The following SDC2 variants were observed in gnomAD, a reference collection of about 807,000 sequenced individuals.
SDC2 encodes syndecan 2.
SDC2 carries 13 observed loss-of-function variants against 22.2 expected under a neutral mutation model. That is an observed-to-expected ratio of 0.59 (90% confidence interval 0.38 to 0.93). The LOEUF (loss-of-function observed/expected upper bound fraction) is 0.93, where lower values mean the gene tolerates loss of function less well. SDC2 is among the 40% of genes least tolerant of loss of function. The probability of loss-of-function intolerance (pLI) is 0.00; values close to 1 mark genes in which losing one functional copy is unlikely to be tolerated. For synonymous variants in SDC2, 94 were observed against 92.8 expected, an observed-to-expected ratio of 1.01 and a Z score of -0.07; for missense variants, 235 against 246.8, an observed-to-expected ratio of 0.95 and a Z score of 0.32.
At chr8:96,587,023 A>G (rs898705759) in intron 1 of SDC2, among the ~76,000 whole-genome samples, 16 of 152,096 alleles carry the variant, frequency 1.1e-4, no homozygotes, top group African/African-American at 3.6e-4. Context: ...CCTGGGTTCA[A>G]GCGATTCTCC....
In SDC2 at chr8:96,611,009, T is replaced by C. The variant is rs1383474155; in HGVS notation, c.*1461T>C. ...CTGAATGGGGCTTTCCTGATGTTGG[T>C]ATCTAAGGCTTAGGCCTATAGATTG... On this transcript the variant is annotated 3_prime_UTR_variant, in exon 5 of 5. Transcript: ENST00000302190. The C allele has an allele frequency of 6.5e-6, 1 of 152,694 alleles. No individual in the cohort carries two copies. Among genetic ancestry groups the C allele is most frequent in the Non-Finnish European group, 1.5e-5 (1 of 68,052 alleles). The allele number at this position is 152,694 out of a possible 1,614,324, so 9.5% of individuals were successfully genotyped here. A position where few individuals can be genotyped will look rare whatever the true frequency, so the allele number is the denominator to read the frequency against.
chr8:96,562,629 A>ACCTTC (rs1334166262), intron 1 of SDC2, among the ~76,000 whole-genome samples: 6 of 152,196 alleles, frequency 3.9e-5, no homozygotes, highest in African/African-American at 1.4e-4. Flanking sequence ...AACTGATGAG[A>ACCTTC]TAATTACAGC....
intron 1 of SDC2, among the ~76,000 whole-genome samples, chr8:96,566,465 G>A (rs1386842945): frequency 1.3e-5 from 2 of 152,066 alleles, no homozygotes; most frequent in African/African-American, 4.8e-5. Context: ...GGGTTTTCAG[G>A]CATTCAGTTC....
intron 1 of SDC2, among the ~76,000 whole-genome samples, chr8:96,498,542 C>T (rs1444268107): frequency 1.3e-5 from 2 of 151,930 alleles, no homozygotes; most frequent in African/African-American, 4.8e-5. Flanking sequence ...ACTCTGCAAC[C>T]ACCACCTCAC....
At chr8:96,566,804 G>A (rs1009030630) in intron 1 of SDC2, among the ~76,000 whole-genome samples, 1 of 151,928 alleles carries the variant, frequency 6.6e-6, no homozygotes, top group Non-Finnish European at 1.5e-5. Flanking sequence ...TCTATATTTA[G>A]GGAGGGGGGT....
intron 2 of SDC2, among the ~76,000 whole-genome samples, chr8:96,601,497 T>C (rs1447199979): frequency 6.6e-6 from 1 of 151,500 alleles, no homozygotes; most frequent in Non-Finnish European, 1.5e-5. Flanking sequence ...AAAAATTAGC[T>C]GGGTGTCGTA....
chr8:96,583,064 T>G (rs1340461688), intron 1 of SDC2, among the ~76,000 whole-genome samples: 1 of 148,640 alleles, frequency 6.7e-6, no homozygotes, highest in Non-Finnish European at 1.5e-5. Flanking sequence ...GTGTGATTTT[T>G]TTTTTTTTTT....
intron 3 of SDC2, among the ~76,000 whole-genome samples, chr8:96,605,124 A>G (rs1815055963): frequency 6.6e-6 from 1 of 152,148 alleles, no homozygotes; most frequent in South Asian, 2.1e-4. Flanking sequence ...AACTCTCTTA[A>G]ATGACTTTAG....
intron 1 of SDC2, among the ~76,000 whole-genome samples, chr8:96,541,982 A>G (rs1813857527): frequency 6.6e-6 from 1 of 152,194 alleles, no homozygotes; most frequent in African/African-American, 2.4e-5. Context: ...AGAGGTGAGC[A>G]TGTGATGCTG....
chr8:96,586,831 G>T (rs1474708589), intron 1 of SDC2, among the ~76,000 whole-genome samples: 2 of 152,216 alleles, frequency 1.3e-5, no homozygotes, highest in Non-Finnish European at 2.9e-5. Flanking sequence ...AAGGGATGTT[G>T]AAGTGTTTCT....
intron 1 of SDC2, among the ~76,000 whole-genome samples, chr8:96,591,453 G>C (rs1814779859): frequency 6.6e-6 from 1 of 152,112 alleles, no homozygotes. Flanking sequence ...TTTGGTTTAA[G>C]TAATCTCAGT....
chr8:96,535,843 G>A (rs576763702), intron 1 of SDC2, among the ~76,000 whole-genome samples: 1 of 152,208 alleles, frequency 6.6e-6, no homozygotes, highest in African/African-American at 2.4e-5. Flanking sequence ...CTTAGAGGAT[G>A]TTGTGAATGG....
chr8:96,533,010 A>T (rs749036338), intron 1 of SDC2, among the ~76,000 whole-genome samples: 1 of 152,132 alleles, frequency 6.6e-6, no homozygotes, highest in Admixed American at 6.5e-5. Flanking sequence ...TGAATGTTGT[A>T]GTTCTTAAAG....
intron 3 of SDC2, among the ~76,000 whole-genome samples, chr8:96,607,116 C>T (rs1257862419): frequency 6.6e-6 from 1 of 150,746 alleles, no homozygotes; most frequent in Non-Finnish European, 1.5e-5. Flanking sequence ...CATCCCCCTC[C>T]ATCCCCCCCA....
At chr8:96,526,800 G>C (rs1813585687) in intron 1 of SDC2, among the ~76,000 whole-genome samples, 1 of 152,162 alleles carries the variant, frequency 6.6e-6, no homozygotes, top group African/African-American at 2.4e-5. Flanking sequence ...CAGGGCTCCT[G>C]ATTTTCCCCT....
At chr8:96,563,054 A>G (rs1365274399) in intron 1 of SDC2, among the ~76,000 whole-genome samples, 1 of 152,086 alleles carries the variant, frequency 6.6e-6, no homozygotes, top group Non-Finnish European at 1.5e-5. Flanking sequence ...CCATTGTTAC[A>G]GCTACCTGAA....
intron 1 of SDC2, among the ~76,000 whole-genome samples, chr8:96,571,054 G>A (rs746911252): frequency 2.0e-5 from 3 of 152,248 alleles, no homozygotes; most frequent in Admixed American, 6.5e-5. Flanking sequence ...AGTTCAAATG[G>A]CAAATTTTAG....
chr8:96,585,108 C>T (rs536750399), intron 1 of SDC2: 1 of 152,052 alleles, frequency 6.6e-6, no homozygotes, highest in Admixed American at 6.6e-5. Flanking sequence ...ATTTCTTGTT[C>T]GTTTATTTGT....
Position 96,535,267 on chromosome 8 carries a change from A to G in SDC2, c.60+40936A>G, listed in dbSNP as rs1018918111. ...CATGATTCGCCCGCCTTGGCCTCCC[A>G]AAGTGCCGGGATTACAGGTGTGAGC... On this transcript the variant is annotated intron_variant, in intron 1 of 4. Transcript: ENST00000302190. 3.3e-5 allele frequency among the ~76,000 whole-genome samples: 5 copies of G among 152,300 alleles called. No individual in the cohort carries two copies. In the Middle Eastern group the frequency reaches 0.01, roughly 311 times the overall value.
Sources: allele counts gnomAD v4.1 joint callset (sites outside exome capture counted in the v4.1 genomes callset), GRCh38; gene constraint gnomAD v4.1.1; transcripts MANE v1.5; gene names NCBI Gene and HGNC (gene_info 2026-07-23, HGNC 2026-07-21).